Variants in RUFY3 observed in about 807,000 individuals in gnomAD.
RUFY3 encodes RUN and FYVE domain containing 3, also known as protein RUFY3.
RUFY3 carries 34 observed loss-of-function variants against 84.0 expected under a neutral mutation model. The ratio of observed to expected loss-of-function variants is 0.40; its 90% CI spans 0.31 to 0.54. The LOEUF (loss-of-function observed/expected upper bound fraction) is 0.54, where lower values mean the gene tolerates loss of function less well. RUFY3 is among the 20% of genes least tolerant of loss of function. RUFY3 has a pLI of 0.39. For missense variants in RUFY3, 507 were observed against 736.8 expected, an observed-to-expected ratio of 0.69 and a Z score of 3.61; for synonymous variants, 242 against 252.9, an observed-to-expected ratio of 0.96 and a Z score of 0.41.
chr4:70,804,723 C>T (rs545024074), intron 17 of RUFY3, among the ~76,000 whole-genome samples: 1 of 147,848 alleles, frequency 6.8e-6, no homozygotes, highest in African/African-American at 2.5e-5. Flanking sequence ...CAAGACCAGC[C>T]TGATCAACAT....
Position 70,808,154 on chromosome 4 carries a change from A to T in RUFY3, c.*1495A>T, listed in dbSNP as rs1300216258. The stretch of plus-strand genomic sequence containing the variant: ...GGATTCAACATAGTGCTTGGTGTTC[A>T]GTAAATTCAAGTTTTGCTTTTTTGG... On this transcript the variant is annotated 3_prime_UTR_variant, in exon 18 of 18. Transcript: ENST00000381006. 6.6e-6 allele frequency among the ~76,000 whole-genome samples: 1 copy of T among 152,248 alleles called. No homozygotes were observed. The highest frequency in any genetic ancestry group is 1.5e-5 in the Non-Finnish European group (1 of 68,050).
chr4:70,758,483 T>G (rs115938483), intron 1 of RUFY3, among the ~76,000 whole-genome samples: 152 of 152,250 alleles, frequency 1.0e-3, no homozygotes, highest in African/African-American at 3.5e-3. Context: ...TGTATACTAT[T>G]CAGCACAAAA....
exon 1 of RUFY3, chr4:70,704,815 AGGTGGC>A (rs988225829): frequency 3.0e-5 from 18 of 608,756 alleles, no homozygotes; most frequent in Non-Finnish European, 4.2e-5. Context: ...CCGAGAAGAA[AGGTGGC>A]GGTGGCGGCG....
chr4:70,741,684 C>T (rs1443224867), intron 1 of RUFY3: 5 of 1,484,494 alleles, frequency 3.4e-6, no homozygotes, highest in Admixed American at 2.3e-5. Context: ...ACAGAAGGTG[C>T]GTGCCACACC....
intron 1 of RUFY3, among the ~76,000 whole-genome samples, chr4:70,731,894 G>A (rs1719339399): frequency 6.6e-6 from 1 of 152,150 alleles, no homozygotes; most frequent in Non-Finnish European, 1.5e-5. Context: ...TAGCAGTAAT[G>A]TTCACGATTA....
rs779388140 is a variant in RUFY3 at position 70,767,259 on chromosome 4, A to ATTTTTTT, written c.573-1255_573-1249dup. 6.2e-3 allele frequency among the ~76,000 whole-genome samples: 310 copies of ATTTTTTT among 49,614 alleles called. 1 individual carries two copies. The highest frequency in any genetic ancestry group is 9.4e-3 in the Non-Finnish European group (220 of 23,378). 32.5% of individuals were successfully genotyped at this position (49,614 alleles called of 152,430 possible). ...TGCCACCATGCCCGGCTAATTTTGTATTTTTTTTTTTTTTTTTTTTTTTTT... is the reference window on the plus strand; with the variant it reads ...TGCCACCATGCCCGGCTAATTTTGTATTTTTTTTTTTTTTTTTTTTTTTTTTTTTTTT... On this transcript the variant is annotated intron_variant, in intron 4 of 17. Transcript: ENST00000381006.
intron 1 of RUFY3, chr4:70,705,335 A>C (rs1740162655): frequency 7.7e-7 from 1 of 1,300,322 alleles, no homozygotes; most frequent in East Asian, 3.2e-5. Context: ...CGGGGAAGGG[A>C]GCATTCGGCT....
At position 70,774,131 on chromosome 4, in the gene RUFY3, G is replaced by A. The variant is rs548869887; in HGVS notation, c.758+559G>A. ...AATTTAGCCATTGAAAGCATAATTA[G>A]TCTGATTTTTAATTTTTGACATTGA... On this transcript the variant is annotated intron_variant, in intron 6 of 17. Transcript: ENST00000381006. Among the ~76,000 whole-genome samples, 5 of 152,208 alleles carry A rather than the reference G, an allele frequency of 3.3e-5. No individual in the cohort carries two copies. In the South Asian group the frequency reaches 6.2e-4, roughly 19 times the overall value.
chr4:70,725,435 A>C (rs1375439491), intron 1 of RUFY3, among the ~76,000 whole-genome samples: 1 of 151,614 alleles, frequency 6.6e-6, no homozygotes, highest in Non-Finnish European at 1.5e-5. Flanking sequence ...GGTTCAAGCG[A>C]TTCTCCTGCC....
Position 70,807,590 on chromosome 4 carries a change from A to G in RUFY3, c.*931A>G, listed in dbSNP as rs1232680357. On this transcript the variant is annotated 3_prime_UTR_variant, in exon 18 of 18. Transcript: ENST00000381006. ...AGCTGGAGGGCAGTAGTGCAATCAC[A>G]GCTCACTGAATCCCTGTTCTCCCGG... Among the ~76,000 whole-genome samples the G allele has an allele frequency of 6.6e-6, 1 of 151,792 alleles. No homozygotes were observed. The highest frequency in any genetic ancestry group is 1.5e-5 in the Non-Finnish European group (1 of 67,990).
At chr4:70,772,132 T>A (rs905928498) in intron 5 of RUFY3, among the ~76,000 whole-genome samples, 1 of 149,714 alleles carries the variant, frequency 6.7e-6, no homozygotes, top group Admixed American at 6.7e-5. Context: ...AATATAAATA[T>A]ATATTTTATA....
At chr4:70,773,355 T>C (rs1421665998) in intron 5 of RUFY3, among the ~76,000 whole-genome samples, 156 bp from the exon 6 acceptor site, 2 of 152,242 alleles carry the variant, frequency 1.3e-5, no homozygotes, top group Admixed American at 6.5e-5. Context: ...TGTTAATTCT[T>C]GATTAAACTG....
At chr4:70,787,838 A>T (rs1730154347) in intron 10 of RUFY3, among the ~76,000 whole-genome samples, 1 of 152,186 alleles carries the variant, frequency 6.6e-6, no homozygotes, top group Non-Finnish European at 1.5e-5. Flanking sequence ...TTTGTTAAGA[A>T]GGAAAGAAAC....
intron 1 of RUFY3, among the ~76,000 whole-genome samples, chr4:70,729,887 A>AGTT (rs201622866): frequency 0.019 from 2,947 of 151,918 alleles, 109 homozygotes; most frequent in African/African-American, 0.068. Flanking sequence ...ATTGATTAAA[A>AGTT]ATCCACAAGT....
At chr4:70,765,209 G>GTGTATA (rs144995233) in intron 4 of RUFY3, among the ~76,000 whole-genome samples, 2 of 137,208 alleles carry the variant, frequency 1.5e-5, no homozygotes, top group Non-Finnish European at 3.1e-5. Context: ...AAAAAAATGT[G>GTGTATA]TATATATATA....
At chr4:70,709,807 G>T (rs1740759082) in intron 1 of RUFY3, among the ~76,000 whole-genome samples, 1 of 152,136 alleles carries the variant, frequency 6.6e-6, no homozygotes, top group Admixed American at 6.5e-5. Context: ...CATTGTTCAA[G>T]GCAATGCTAT....
intron 1 of RUFY3, chr4:70,741,760 A>G (rs1721356141): frequency 2.8e-6 from 3 of 1,080,546 alleles, no homozygotes; most frequent in Non-Finnish European, 3.8e-6. Flanking sequence ...TGTTTTCCGT[A>G]AGAGGAAATG....
At chr4:70,779,307 C>T (rs2148761344) in intron 8 of RUFY3, among the ~76,000 whole-genome samples, 1 of 152,276 alleles carries the variant, frequency 6.6e-6, no homozygotes, top group South Asian at 2.1e-4. Flanking sequence ...AGGCTGAGTT[C>T]CGTCACTGGA....
chr4:70,798,927 G>T (rs1731870695), intron 14 of RUFY3, among the ~76,000 whole-genome samples: 1 of 151,906 alleles, frequency 6.6e-6, no homozygotes, highest in Non-Finnish European at 1.5e-5. Flanking sequence ...AAGGTGGGCA[G>T]ACTACCTGGG....
Sources: allele counts gnomAD v4.1 joint callset (sites outside exome capture counted in the v4.1 genomes callset), GRCh38; gene constraint gnomAD v4.1.1; transcripts MANE v1.5; gene names NCBI Gene and HGNC (gene_info 2026-07-23, HGNC 2026-07-21).